Variants in CNTNAP5 observed in about 807,000 individuals in gnomAD.
CNTNAP5 encodes the protein contactin-associated protein-like 5.
In CNTNAP5, 72 loss-of-function variants were observed where a neutral mutation model predicts 150.2. That is an observed-to-expected ratio of 0.48 (90% CI 0.40 to 0.58). The LOEUF (loss-of-function observed/expected upper bound fraction) is 0.58, where lower values mean the gene tolerates loss of function less well. Ranked by LOEUF, CNTNAP5 falls within the 20% of genes least tolerant of loss-of-function variation. The probability of loss-of-function intolerance (pLI) is 0.00; values close to 1 mark genes in which losing one functional copy is unlikely to be tolerated. For missense variants in CNTNAP5, 1,636 were observed against 1,626.2 expected (o/e 1.01, Z -0.10); for synonymous variants, 672 against 619.8 (o/e 1.08, Z -1.25).
intron 21 of CNTNAP5, among the ~76,000 whole-genome samples, chr2:124,887,944 C>A (rs986594063): frequency 1.7e-4 from 25 of 149,538 alleles, no homozygotes; most frequent in Non-Finnish European, 2.8e-4. Flanking sequence ...AGATTGGTTT[C>A]TTTTTCTTTT....
chr2:124,784,614 A>G (rs1458807305), intron 17 of CNTNAP5, among the ~76,000 whole-genome samples: 3 of 152,186 alleles, frequency 2.0e-5, no homozygotes, highest in African/African-American at 4.8e-5. Context: ...GAATAAATGC[A>G]TGCTGGTATA....
intron 1 of CNTNAP5, among the ~76,000 whole-genome samples, chr2:124,201,877 T>C (rs1459786587): frequency 2.6e-5 from 4 of 152,218 alleles, no homozygotes; most frequent in African/African-American, 9.7e-5. Context: ...TAGTAATGGT[T>C]CATCTTAGTA....
intron 13 of CNTNAP5, among the ~76,000 whole-genome samples, chr2:124,701,119 C>T (rs1170611128): frequency 5.3e-5 from 8 of 152,094 alleles, no homozygotes. Context: ...GGTCCTCCTG[C>T]ATGGCTGCTG....
At chr2:124,437,734 G>A (rs886439852) in intron 5 of CNTNAP5, among the ~76,000 whole-genome samples, 17 of 152,096 alleles carry the variant, frequency 1.1e-4, no homozygotes, top group African/African-American at 4.1e-4. Context: ...GATCAGGATT[G>A]TTCTTTTAAA....
intron 11 of CNTNAP5, among the ~76,000 whole-genome samples, chr2:124,578,609 G>A (rs557189668): frequency 7.9e-5 from 12 of 151,852 alleles, no homozygotes; most frequent in Non-Finnish European, 1.3e-4. Flanking sequence ...TATCTCTACC[G>A]AAAACTAAAA....
intron 3 of CNTNAP5, among the ~76,000 whole-genome samples, chr2:124,325,490 A>G (rs1050353759): frequency 2.6e-5 from 4 of 152,200 alleles, no homozygotes; most frequent in African/African-American, 9.6e-5. Flanking sequence ...TATCTCATCA[A>G]TGATGTTTCT....
At chr2:124,104,475 C>T (rs554163703) in intron 1 of CNTNAP5, among the ~76,000 whole-genome samples, 68 of 152,276 alleles carry the variant, frequency 4.5e-4, no homozygotes, top group Non-Finnish European at 3.7e-4. Context: ...AATGCCCTCC[C>T]TTAACACTCC....
At chr2:124,180,464 T>A (rs906113979) in intron 1 of CNTNAP5, among the ~76,000 whole-genome samples, 1 of 152,196 alleles carries the variant, frequency 6.6e-6, no homozygotes, top group East Asian at 1.9e-4. Context: ...AAAATAAATA[T>A]TGAGTGTTTC....
intron 19 of CNTNAP5, among the ~76,000 whole-genome samples, chr2:124,820,543 G>GT (rs1682465401): frequency 6.6e-6 from 1 of 151,918 alleles, no homozygotes. Context: ...GAAAGGGGGG[G>GT]GAGAAAGAAA....
chr2:124,721,285 C>G (rs1680042869), intron 13 of CNTNAP5, among the ~76,000 whole-genome samples: 1 of 152,042 alleles, frequency 6.6e-6, no homozygotes, highest in Non-Finnish European at 1.5e-5. Flanking sequence ...TTGTAACCAG[C>G]CTGACCAACA....
chr2:124,565,510 G>T (rs1418744824), intron 11 of CNTNAP5, among the ~76,000 whole-genome samples: 1 of 139,286 alleles, frequency 7.2e-6, no homozygotes, highest in Non-Finnish European at 1.6e-5. Context: ...CAATTAAAAA[G>T]AAATTTAGAA....
intron 1 of CNTNAP5, among the ~76,000 whole-genome samples, chr2:124,190,314 T>C (rs1251042377): frequency 6.6e-6 from 1 of 152,214 alleles, no homozygotes; most frequent in Non-Finnish European, 1.5e-5. Flanking sequence ...TAACAGAGTG[T>C]GCTTTATGAG....
intron 21 of CNTNAP5, among the ~76,000 whole-genome samples, chr2:124,891,339 T>G (rs1283372736): frequency 6.6e-6 from 1 of 152,046 alleles, no homozygotes; most frequent in Non-Finnish European, 1.5e-5. Context: ...CCAGCCCTCT[T>G]GAAAGCTAGT....
chr2:124,468,106 G>T (rs1308329598), intron 6 of CNTNAP5, among the ~76,000 whole-genome samples: 1 of 152,096 alleles, frequency 6.6e-6, no homozygotes, highest in Admixed American at 6.6e-5. Flanking sequence ...TTTCATTGCT[G>T]TTGTCTGTAG....
intron 8 of CNTNAP5, among the ~76,000 whole-genome samples, chr2:124,512,658 T>C (rs1387873639): frequency 6.6e-6 from 1 of 152,196 alleles, no homozygotes; most frequent in African/African-American, 2.4e-5. Flanking sequence ...AACCACCGTA[T>C]AACATTTCAC....
In CNTNAP5 at chr2:124,640,372, G is replaced by A. The variant is rs1678065123; in HGVS notation, c.1877-7386G>A. Among the ~76,000 whole-genome samples, 12 of 152,302 alleles carry A rather than the reference G, an allele frequency of 7.9e-5. No homozygotes were observed. In the South Asian group the frequency reaches 2.5e-3, roughly 32 times the overall value. On this transcript the variant is annotated intron_variant, in intron 12 of 23. Coordinates refer to ENST00000682447, the MANE Select transcript of CNTNAP5 (RefSeq NM_001367498.1). The stretch of plus-strand genomic sequence containing the variant: ...AAGTCGTAAAGTGTGGCCCACGCAG[G>A]CAGGTGGAAGGCAGTAATGGACGGA...
chr2:124,649,030 G>C (rs1183991103), intron 13 of CNTNAP5, among the ~76,000 whole-genome samples: 1 of 152,148 alleles, frequency 6.6e-6, no homozygotes, highest in African/African-American at 2.4e-5. Flanking sequence ...GAATTTTCCA[G>C]GTAACTGTCA....
intron 5 of CNTNAP5, among the ~76,000 whole-genome samples, chr2:124,443,813 C>CATGTGTGT (rs1230822486): frequency 2.1e-5 from 3 of 143,736 alleles, no homozygotes; most frequent in African/African-American, 7.8e-5. Context: ...AATTCCTTGC[C>CATGTGTGT]GTGTGTGTGT....
intron 3 of CNTNAP5, among the ~76,000 whole-genome samples, chr2:124,293,882 T>C (rs1558837387): frequency 7.7e-6 from 1 of 129,944 alleles, no homozygotes; most frequent in Non-Finnish European, 1.9e-5. Context: ...AAGGAAGCAG[T>C]GAGAGTGGAG....
Sources: gnomAD v4.1 joint callset for allele counts (sites outside exome capture counted in the v4.1 genomes callset) on GRCh38, gnomAD v4.1.1 for gene constraint, MANE v1.5 for transcripts, NCBI Gene and HGNC (gene_info 2026-07-23, HGNC 2026-07-21) for gene names.